Variants in ANKRD30B observed in about 807,000 individuals in gnomAD.
ANKRD30B encodes the protein ankyrin repeat domain-containing protein 30B.
ANKRD30B carries 144 observed loss-of-function variants against 202.2 expected under a neutral mutation model. The ratio of observed to expected loss-of-function variants is 0.71; its 90% confidence interval spans 0.62 to 0.82. The LOEUF is 0.82. Among genes scored for constraint, ANKRD30B ranks in the 40% least tolerant of loss-of-function variants. ANKRD30B has a pLI of 0.00. For synonymous variants in ANKRD30B, 508 were observed against 561.3 expected, an observed-to-expected ratio of 0.91 and a Z score of 1.34; for missense variants, 1,487 against 1,669.1, an observed-to-expected ratio of 0.89 and a Z score of 1.90.
At position 14,837,578 on chromosome 18, in the gene ANKRD30B, C is replaced by A. The variant is rs762538015; in HGVS notation, c.2927-37C>A. 4.2e-6 allele frequency: 6 copies of A among 1,416,138 alleles called. No homozygotes were observed. The South Asian group carries it at 5.4e-5, about 13-fold the overall frequency. The allele number at this position is 1,416,138 out of a possible 1,614,324, so 87.7% of individuals were successfully genotyped here. A position where few individuals can be genotyped will look rare whatever the true frequency, so the allele number is the denominator to read the frequency against. On this transcript the variant is annotated intron_variant, in intron 35 of 43. Coordinates refer to ENST00000690538, the MANE Select transcript of ANKRD30B (RefSeq NM_001367607.2). ...TAGTTTTATGATTTACAGTAATAAA[C>A]ATTCTCATATACATGTCTGTGAATA...
intron 15 of ANKRD30B, among the ~76,000 whole-genome samples, chr18:14,787,515 G>A (rs1968164522): frequency 6.6e-6 from 1 of 152,070 alleles, no homozygotes. Flanking sequence ...GCAAAAGTTG[G>A]GACCTGAAAA....
chr18:14,932,243 C>T, the ANKRD30B span, among the ~76,000 whole-genome samples: 1 of 151,784 alleles, frequency 6.6e-6, no homozygotes, highest in African/African-American at 2.4e-5. Flanking sequence ...GGTCTGAGTC[C>T]TGCTCCTGAA....
rs1426823569 is a variant in ANKRD30B, at chr18:14,831,006, C to T, written c.2775-377C>T. On this transcript the variant is annotated intron_variant, in intron 33 of 43. Coordinates refer to ENST00000690538, the MANE Select transcript of ANKRD30B (RefSeq NM_001367607.2). ...AACCATCCTGGCTAACACGGTGAAA[C>T]CCCGTCTCTACTAAAAATACAAAAA... is the stretch of plus-strand genomic sequence containing the variant. Among the ~76,000 whole-genome samples the T allele has an allele frequency of 4.0e-5, 6 of 151,550 alleles. No homozygotes were observed. The South Asian group carries it at 1.3e-3, about 32-fold the overall frequency.
intron 32 of ANKRD30B, among the ~76,000 whole-genome samples, chr18:14,826,693 TCACA>T (rs61497414): frequency 0.049 from 6,130 of 124,990 alleles, 176 homozygotes; most frequent in African/African-American, 0.096. Flanking sequence ...TCTCTCTCTC[TCACA>T]CACACACACA....
downstream of ANKRD30B, among the ~76,000 whole-genome samples, chr18:14,858,980 C>T (rs1420882488): frequency 1.1e-5 from 1 of 94,036 alleles, no homozygotes; most frequent in Non-Finnish European, 2.2e-5. Flanking sequence ...CCTCACCTCC[C>T]AGATGATGGG....
chr18:14,787,524 A>G (rs1968165326), intron 15 of ANKRD30B, among the ~76,000 whole-genome samples: 1 of 152,202 alleles, frequency 6.6e-6, no homozygotes, highest in Admixed American at 6.5e-5. Flanking sequence ...GGGACCTGAA[A>G]AGTTAGTGCC....
intron 10 of ANKRD30B, among the ~76,000 whole-genome samples, chr18:14,778,517 G>A (rs1967519628): frequency 6.6e-6 from 1 of 152,170 alleles, no homozygotes; most frequent in Non-Finnish European, 1.5e-5. Context: ...TTTCACTCTT[G>A]TCTTTCTCAC....
intron 37 of ANKRD30B, among the ~76,000 whole-genome samples, chr18:14,842,395 C>T (rs1347784835): frequency 1.3e-5 from 2 of 152,106 alleles, no homozygotes; most frequent in African/African-American, 4.8e-5. Context: ...GTAACATGTT[C>T]AGTGATGAGA....
intron 1 of ANKRD30B, among the ~76,000 whole-genome samples, chr18:14,752,167 G>A (rs1332538264): frequency 5.9e-5 from 9 of 152,106 alleles, no homozygotes; most frequent in Non-Finnish European, 1.3e-4. Flanking sequence ...GCTGTTACAT[G>A]TACTAGGAAC....
intron 42 of ANKRD30B, 120 bp downstream of exon 42, chr18:14,852,540 C>A: frequency 1.6e-6 from 2 of 1,279,328 alleles, no homozygotes. Context: ...CTTACTATAT[C>A]AGCTTAGAAA....
chr18:14,829,575 A>G (rs551554103), intron 33 of ANKRD30B, among the ~76,000 whole-genome samples: 13 of 152,212 alleles, frequency 8.5e-5, no homozygotes, highest in Non-Finnish European at 1.6e-4. Context: ...AGATCAGAAT[A>G]TTGGATCTTA....
At chr18:14,760,431 T>A (rs1474211945) in intron 5 of ANKRD30B, 123 bp from the exon 6 acceptor site, 4 of 563,380 alleles carry the variant, frequency 7.1e-6, no homozygotes, top group African/African-American at 2.0e-5. Context: ...GTCTGTGAAA[T>A]AAGTAACATT....
intron 36 of ANKRD30B, among the ~76,000 whole-genome samples, chr18:14,838,749 GA>G (rs1453579817): frequency 2.0e-5 from 3 of 152,106 alleles, no homozygotes; most frequent in Admixed American, 6.5e-5. Context: ...TGGGAACTTG[GA>G]AAAAAATCGT....
At chr18:14,828,102 G>T (rs1248398253) in intron 32 of ANKRD30B, among the ~76,000 whole-genome samples, 176 bp from the exon 33 acceptor site, 3 of 152,136 alleles carry the variant, frequency 2.0e-5, no homozygotes, top group South Asian at 4.1e-4. Context: ...TTGAAGTCTT[G>T]CAATGTCTCC....
rs1204197786 is a variant in ANKRD30B at position 14,796,399 on chromosome 18, A to T, written c.1911A>T (p.Arg637Ser). 2 of 1,555,482 alleles carry T rather than the reference A, an allele frequency of 1.3e-6. No individual in the cohort carries two copies. Among genetic ancestry groups the T allele is most frequent in the Non-Finnish European group, 8.7e-7 (1 of 1,149,612 alleles). ...ATAAAGCCTTAGAATTAAAGGACAG[A>T]GAAACATTCAAAGCAGGTAAATTTT... ...LPNKALELKD[R>S]ETFKAESPDK... is the part of the protein sequence containing the mutation. Residue 637 changes from arginine (R) to serine (S), a missense_variant, in exon 18 of 44, where the codon AGA becomes AGT. This residue lies in a region of ANKRD30B where 889 missense variants were observed against 841.4 expected (regional missense o/e 1.06). Coordinates refer to ENST00000690538, the MANE Select transcript of ANKRD30B (RefSeq NM_001367607.2).
intron 8 of ANKRD30B, 95 bp from the exon 9 acceptor site, chr18:14,772,061 T>C: frequency 4.2e-6 from 3 of 713,764 alleles, no homozygotes; most frequent in South Asian, 3.7e-5. Context: ...TTTTTTGTTT[T>C]CATTTTATAG....
At chr18:14,931,935 GGCCCCCC>G in the ANKRD30B span, among the ~76,000 whole-genome samples, 3 of 124,538 alleles carry the variant, frequency 2.4e-5, no homozygotes, top group African/African-American at 5.9e-5. Flanking sequence ...CTCTGTCCCG[GGCCCCCC>G]ACCCCACCTC....
chr18:14,766,493 A>AAAAAAAAAAAAGAAAAGAAAAGAAAAG (rs1567989711), intron 7 of ANKRD30B, among the ~76,000 whole-genome samples: 6 of 84,994 alleles, frequency 7.1e-5, no homozygotes, highest in Non-Finnish European at 1.3e-4. Flanking sequence ...AAAAAAAAAA[A>AAAAAAAAAAAAGAAAAGAAAAGAAAAG]AAAAGAAAAG....
At chr18:14,756,222 A>G (rs1426562614) in intron 4 of ANKRD30B, among the ~76,000 whole-genome samples, 1 of 152,134 alleles carries the variant, frequency 6.6e-6, no homozygotes, top group African/African-American at 2.4e-5. Context: ...GTGTCTGTTC[A>G]TACCCTTTGC....
Sources: allele counts gnomAD v4.1 joint callset (sites outside exome capture counted in the v4.1 genomes callset), GRCh38; gene constraint gnomAD v4.1.1; regional missense constraint gnomAD v4.1.1; transcripts MANE v1.5; gene names NCBI Gene and HGNC (gene_info 2026-07-23, HGNC 2026-07-21).